Variants in GRM7 observed in about 807,000 individuals in gnomAD.
GRM7 encodes the protein metabotropic glutamate receptor 7.
A neutral mutation model predicts 84.5 loss-of-function variants in GRM7; 35 were observed. That is an observed-to-expected ratio of 0.41 (90% CI 0.32 to 0.55). The LOEUF (loss-of-function observed/expected upper bound fraction) is 0.55. Ranked by LOEUF, GRM7 falls within the 20% of genes least tolerant of loss-of-function variation. GRM7 has a pLI of 0.19. For missense variants in GRM7, 1,003 were observed against 1,194.6 expected, an observed-to-expected ratio of 0.84 and a Z score of 2.36; for synonymous variants, 487 against 455.1, an observed-to-expected ratio of 1.07 and a Z score of -0.89.
At chr3:7,376,108 T>C (rs1258731399) in intron 4 of GRM7, among the ~76,000 whole-genome samples, 1 of 152,100 alleles carries the variant, frequency 6.6e-6, no homozygotes, top group Non-Finnish European at 1.5e-5. Flanking sequence ...AGATATAAAG[T>C]GGCGATGTTT....
intron 1 of GRM7, among the ~76,000 whole-genome samples, chr3:7,143,651 A>C (rs572074699): frequency 6.6e-6 from 1 of 152,256 alleles, no homozygotes; most frequent in East Asian, 1.9e-4. Context: ...AATGCATTGC[A>C]TTGGGGCACT....
chr3:6,993,302 T>G (rs186584515), intron 1 of GRM7, among the ~76,000 whole-genome samples: 1 of 152,144 alleles, frequency 6.6e-6, no homozygotes, highest in South Asian at 2.1e-4. Flanking sequence ...GAGATTTGGG[T>G]GGGGACACAG....
chr3:7,342,307 T>A (rs796391671), intron 4 of GRM7, among the ~76,000 whole-genome samples: 20 of 152,290 alleles, frequency 1.3e-4, no homozygotes, highest in African/African-American at 4.6e-4. Context: ...CATCAAAACT[T>A]GTCAAGAAAC....
chr3:7,258,670 G>A (rs533147599), intron 2 of GRM7, among the ~76,000 whole-genome samples: 1 of 152,348 alleles, frequency 6.6e-6, no homozygotes, highest in East Asian at 1.9e-4. Context: ...CCTGAAGGCT[G>A]GGTTTGGACC....
intron 2 of GRM7, among the ~76,000 whole-genome samples, chr3:7,195,703 G>C (rs1454608895): frequency 6.6e-6 from 1 of 152,106 alleles, no homozygotes; most frequent in Non-Finnish European, 1.5e-5. Flanking sequence ...ATGTATAGCA[G>C]AGAATATTAA....
chr3:7,451,174 TAG>T (rs1229490059), intron 5 of GRM7, among the ~76,000 whole-genome samples: 1 of 152,202 alleles, frequency 6.6e-6, no homozygotes, highest in Non-Finnish European at 1.5e-5. Context: ...ACAAGAGGTC[TAG>T]AGAGAGCTAC....
intron 4 of GRM7, among the ~76,000 whole-genome samples, chr3:7,382,997 C>G (rs958965066): frequency 6.6e-6 from 1 of 152,104 alleles, no homozygotes; most frequent in Non-Finnish European, 1.5e-5. Context: ...TCAACCGTAC[C>G]AAGTGGGCCA....
intron 9 of GRM7, among the ~76,000 whole-genome samples, chr3:7,730,536 G>A (rs1335260040): frequency 6.6e-6 from 1 of 152,194 alleles, no homozygotes; most frequent in East Asian, 1.9e-4. Context: ...CTGGTTTATA[G>A]CCAGGCTATA....
chr3:7,621,017 G>C (rs1697332386), intron 8 of GRM7, among the ~76,000 whole-genome samples: 1 of 152,098 alleles, frequency 6.6e-6, no homozygotes. Context: ...GCCCAACACA[G>C]ATTTTCATCT....
chr3:6,990,359 G>C (rs1426485382), intron 1 of GRM7, among the ~76,000 whole-genome samples: 1 of 152,218 alleles, frequency 6.6e-6, no homozygotes, highest in Non-Finnish European at 1.5e-5. Context: ...CTTAAGGGGA[G>C]TTAGAAAATG....
chr3:7,118,833 C>T (rs1218213136), intron 1 of GRM7, among the ~76,000 whole-genome samples: 1 of 151,956 alleles, frequency 6.6e-6, no homozygotes, highest in African/African-American at 2.4e-5. Context: ...TCGTTTTTTC[C>T]AATCACAAGA....
chr3:7,712,063 T>G (rs1438213903), intron 9 of GRM7, among the ~76,000 whole-genome samples: 1 of 152,196 alleles, frequency 6.6e-6, no homozygotes, highest in Admixed American at 6.5e-5. Context: ...TTATGAGCAC[T>G]CCAGGAGAAA....
intron 4 of GRM7, among the ~76,000 whole-genome samples, chr3:7,351,283 T>C (rs1693128232): frequency 8.0e-6 from 1 of 124,628 alleles, no homozygotes; most frequent in Non-Finnish European, 1.6e-5. Context: ...CTGCCCTCTC[T>C]CCACTTTCAG....
chr3:7,609,156 C>T (rs955495302), intron 8 of GRM7, among the ~76,000 whole-genome samples: 4 of 152,102 alleles, frequency 2.6e-5, no homozygotes, highest in African/African-American at 9.7e-5. Flanking sequence ...GCATGCATCC[C>T]TCATACAACT....
chr3:7,427,531 A>C (rs1349610317), intron 5 of GRM7, among the ~76,000 whole-genome samples: 1 of 152,232 alleles, frequency 6.6e-6, no homozygotes, highest in African/African-American at 2.4e-5. Flanking sequence ...CGAAATAAAT[A>C]AAAATTTTTA....
At chr3:7,513,567 C>T (rs1288225247) in intron 7 of GRM7, among the ~76,000 whole-genome samples, 1 of 151,988 alleles carries the variant, frequency 6.6e-6, no homozygotes, top group Non-Finnish European at 1.5e-5. Context: ...CAACAGTTAA[C>T]AAAAATTCAT....
At chr3:7,362,459 G>A (rs1271062867) in intron 4 of GRM7, among the ~76,000 whole-genome samples, 2 of 152,014 alleles carry the variant, frequency 1.3e-5, no homozygotes, top group East Asian at 1.9e-4. Flanking sequence ...ATTGATATGA[G>A]ATGTAAATTT....
intron 2 of GRM7, among the ~76,000 whole-genome samples, chr3:7,218,444 A>T (rs1015813983): frequency 6.4e-4 from 98 of 152,074 alleles, no homozygotes; most frequent in African/African-American, 2.3e-3. Context: ...TTTTATTTCT[A>T]ATTTTTTAAA....
In GRM7 at chr3:7,170,361, A is replaced by C. The variant is rs116751543; in HGVS notation, c.736+23693A>C. On this transcript the variant is annotated intron_variant, in intron 2 of 9. Transcript: ENST00000357716. ...ATGACTAAAGGGCCACCAAGACTTG[A>C]GTAAGGCGTACTTAGCACAGTTTCA... 1.4e-3 allele frequency among the ~76,000 whole-genome samples: 210 copies of C among 152,286 alleles called. 4 individuals carry two copies. Among genetic ancestry groups the C allele is most frequent in the African/African-American group, 3.6e-3 (151 of 41,554 alleles).
Sources: gnomAD v4.1 joint callset for allele counts (sites outside exome capture counted in the v4.1 genomes callset) on GRCh38, gnomAD v4.1.1 for gene constraint, MANE v1.5 for transcripts, NCBI Gene and HGNC (gene_info 2026-07-23, HGNC 2026-07-21) for gene names.